The following WNT3 variants were observed in gnomAD, a reference collection of about 807,000 sequenced individuals.
The protein encoded by WNT3 is Wnt family member 3.
WNT3 carries 7 observed loss-of-function variants against 34.2 expected under a neutral mutation model. The observed-to-expected ratio is 0.20, with a 90% CI of 0.12 to 0.38. WNT3 has a LOEUF of 0.38. Among genes scored for constraint, WNT3 ranks in the 10% least tolerant of loss-of-function variants. The pLI, the probability that WNT3 is intolerant of heterozygous loss-of-function variation, is 1.00. For synonymous variants in WNT3, 212 were observed against 211.5 expected (o/e 1.00, Z -0.02); for missense variants, 267 against 499.8 (o/e 0.53, Z 4.44).
chr17:46,773,483 A>T (rs561881020), intron 2 of WNT3, among the ~76,000 whole-genome samples, 185 bp downstream of exon 2: 11 of 152,156 alleles, frequency 7.2e-5, no homozygotes, highest in African/African-American at 2.4e-4. Context: ...ATCCTGGAGC[A>T]TCTCAAGGCG....
At chr17:46,799,446 CTTT>C (rs11319114) in intron 1 of WNT3, among the ~76,000 whole-genome samples, 132 of 121,542 alleles carry the variant, frequency 1.1e-3, no homozygotes, top group Admixed American at 1.5e-3. Context: ...ATTATTTCTA[CTTT>C]TTTTTTTTTT....
At chr17:46,791,245 G>A (rs563231592) in intron 1 of WNT3, among the ~76,000 whole-genome samples, 29 of 149,862 alleles carry the variant, frequency 1.9e-4, no homozygotes, top group Non-Finnish European at 8.9e-5. Flanking sequence ...ACAGAGTCTC[G>A]CCCTGTCACC....
At position 46,762,851 on chromosome 17, in the gene WNT3, CTT is replaced by C. The variant is rs2146360871; in HGVS notation, c.*1777_*1778del. The C allele has an allele frequency of 6.6e-6, 1 of 152,216 alleles. No individual in the cohort carries two copies. The highest frequency in any genetic ancestry group is 1.5e-5 in the Non-Finnish European group (1 of 68,006). 9.4% of individuals were successfully genotyped at this position (152,216 alleles called of 1,614,324 possible). On this transcript the variant is annotated 3_prime_UTR_variant, in exon 5 of 5. Transcript: ENST00000225512. ...ACTTGAATACGCCCCAGAAACATGA[CTT>C]TATCACTTTTAATATAGAATACATA...
intron 2 of WNT3, among the ~76,000 whole-genome samples, chr17:46,771,830 G>A (rs548344627): frequency 9.9e-5 from 14 of 141,770 alleles, no homozygotes; most frequent in Non-Finnish European, 1.5e-4. Context: ...GCCGCGCGGT[G>A]GGGGGGCGGT....
intron 1 of WNT3, among the ~76,000 whole-genome samples, chr17:46,791,684 T>C (rs918255906): frequency 2.6e-5 from 4 of 152,246 alleles, no homozygotes; most frequent in African/African-American, 9.6e-5. Context: ...GCATTCTACT[T>C]ACATTCATCA....
intron 1 of WNT3, among the ~76,000 whole-genome samples, chr17:46,781,712 A>G (rs2059462723): frequency 6.6e-6 from 1 of 152,200 alleles, no homozygotes; most frequent in African/African-American, 2.4e-5. Flanking sequence ...ACACTTTAAA[A>G]TGGTTAAATA....
At chr17:46,767,484 G>A (rs896401749) in intron 4 of WNT3, among the ~76,000 whole-genome samples, 25 of 152,170 alleles carry the variant, frequency 1.6e-4, no homozygotes, top group African/African-American at 5.6e-4. Flanking sequence ...TGCCTCAGGG[G>A]TAGAGGAGAC....
intron 3 of WNT3, 88 bp downstream of exon 3, chr17:46,769,695 G>A (rs907622374): frequency 1.3e-5 from 21 of 1,556,520 alleles, no homozygotes; most frequent in East Asian, 9.2e-5. Context: ...CAGGGCTGCC[G>A]GAAGGGGTGA....
intron 1 of WNT3, among the ~76,000 whole-genome samples, chr17:46,815,731 T>A (rs1238786161): frequency 6.6e-6 from 1 of 152,094 alleles, no homozygotes; most frequent in African/African-American, 2.4e-5. Context: ...GACAAGCTGG[T>A]GTCAAGGAAG....
At chr17:46,812,189 CT>C (rs5820623) in intron 1 of WNT3, among the ~76,000 whole-genome samples, 21,242 of 152,126 alleles carry the variant, frequency 0.14, 1,914 homozygotes, top group African/African-American at 0.26. Context: ...TAGCCTCTCA[CT>C]GAGAGCAGGG....
At chr17:46,807,799 A>G (rs2084216833) in intron 1 of WNT3, among the ~76,000 whole-genome samples, 1 of 152,250 alleles carries the variant, frequency 6.6e-6, no homozygotes. Context: ...GGATCAGGGA[A>G]GGTCCACACG....
At chr17:46,772,696 G>A (rs988795715) in intron 2 of WNT3, among the ~76,000 whole-genome samples, 3 of 152,186 alleles carry the variant, frequency 2.0e-5, no homozygotes, top group Non-Finnish European at 4.4e-5. Context: ...CTGTAGGTGG[G>A]ACAGACCCTG....
chr17:46,817,014 GC>G (rs1010926179), intron 1 of WNT3, among the ~76,000 whole-genome samples: 2 of 152,284 alleles, frequency 1.3e-5, no homozygotes, highest in East Asian at 3.9e-4. Flanking sequence ...GGTTAGCCCA[GC>G]CCCCCGGAAA....
chr17:46,795,597 T>A (rs1168497156), intron 1 of WNT3, among the ~76,000 whole-genome samples: 1 of 152,286 alleles, frequency 6.6e-6, no homozygotes, highest in South Asian at 2.1e-4. Context: ...ACCACAGGTG[T>A]CCAGCCTGCA....
Position 46,810,004 on chromosome 17 carries a change from C to CTTT in WNT3, c.80+8511_80+8513dup, listed in dbSNP as rs11292601. On this transcript the variant is annotated intron_variant, in intron 1 of 4. Transcript: ENST00000225512. ...TATTCCTCTCCTCTTTTCTTTCTTT[C>CTTT]TTTTTTTTTTTTTTTTTTTGAGACA... Among the ~76,000 whole-genome samples, 484 of 126,346 alleles carry CTTT rather than the reference C, an allele frequency of 3.8e-3. 9 individuals carry two copies. The highest frequency in any genetic ancestry group is 0.013 in the African/African-American group (450 of 33,842). 82.9% of individuals were successfully genotyped at this position (126,346 alleles called of 152,430 possible).
intron 1 of WNT3, among the ~76,000 whole-genome samples, chr17:46,778,170 C>A (rs111380481): frequency 1.3e-5 from 2 of 152,174 alleles, no homozygotes; most frequent in African/African-American, 4.8e-5. Context: ...TGTCACCAAC[C>A]TCATTTCTCC....
intron 1 of WNT3, among the ~76,000 whole-genome samples, chr17:46,797,465 A>G (rs2084069526): frequency 6.6e-6 from 1 of 152,228 alleles, no homozygotes; most frequent in Admixed American, 6.5e-5. Context: ...GTGAAGGCCC[A>G]AGGCAGTGGA....
At chr17:46,798,406 T>C (rs1374762355) in intron 1 of WNT3, among the ~76,000 whole-genome samples, 1 of 152,244 alleles carries the variant, frequency 6.6e-6, no homozygotes, top group Non-Finnish European at 1.5e-5. Flanking sequence ...TCATGTCTAA[T>C]ATATATGATT....
intron 1 of WNT3, among the ~76,000 whole-genome samples, chr17:46,808,013 C>G (rs117753122): frequency 1.9e-3 from 291 of 152,362 alleles, no homozygotes; most frequent in Non-Finnish European, 2.8e-3. Context: ...AAAGAAGATT[C>G]TGCCCAGCTG....
Sources: gnomAD v4.1 joint callset for allele counts (sites outside exome capture counted in the v4.1 genomes callset) on GRCh38, gnomAD v4.1.1 for gene constraint, MANE v1.5 for transcripts, NCBI Gene and HGNC (gene_info 2026-07-23, HGNC 2026-07-21) for gene names.